Variants in ARIH1 observed in about 807,000 individuals in gnomAD.
ARIH1 encodes the protein ariadne RBR E3 ubiquitin protein ligase 1.
In ARIH1, 8 loss-of-function variants were observed where a neutral mutation model predicts 85.0. The ratio of observed to expected loss-of-function variants is 0.09; its 90% CI spans 0.06 to 0.17. The LOEUF (loss-of-function observed/expected upper bound fraction) is 0.17. Among genes scored for constraint, ARIH1 ranks in the 10% least tolerant of loss-of-function variants. ARIH1 has a pLI of 1.00. For synonymous variants in ARIH1, 238 were observed against 253.6 expected, an observed-to-expected ratio of 0.94 and a Z score of 0.59; for missense variants, 311 against 718.1, an observed-to-expected ratio of 0.43 and a Z score of 6.48.
chr15:72,486,868 A>AT (rs1268157744), intron 1 of ARIH1, among the ~76,000 whole-genome samples: 1 of 150,176 alleles, frequency 6.7e-6, no homozygotes, highest in East Asian at 2.0e-4. Flanking sequence ...TAATTTTTGT[A>AT]TTTTTTGGTA....
chr15:72,546,050 TG>T (rs1458343324), intron 3 of ARIH1, among the ~76,000 whole-genome samples: 1 of 152,164 alleles, frequency 6.6e-6, no homozygotes, highest in Non-Finnish European at 1.5e-5. Context: ...ATTTGGTTGA[TG>T]GGGGTCTCAC....
intron 1 of ARIH1, among the ~76,000 whole-genome samples, chr15:72,516,930 A>T (rs1378190842): frequency 6.6e-6 from 1 of 152,180 alleles, no homozygotes; most frequent in Non-Finnish European, 1.5e-5. Flanking sequence ...TTTGAGTTCC[A>T]CTTCTGCTAT....
At chr15:72,570,467 T>C (rs2064238517) in intron 10 of ARIH1, among the ~76,000 whole-genome samples, 160 bp downstream of exon 10, 1 of 152,206 alleles carries the variant, frequency 6.6e-6, no homozygotes, top group Admixed American at 6.5e-5. Context: ...ATAGAGGGAT[T>C]AGTTAGATAT....
rs945507417 is a variant in ARIH1, at chr15:72,531,299, A to T, written c.443+13165A>T. 3.9e-5 allele frequency among the ~76,000 whole-genome samples: 6 copies of T among 152,046 alleles called. 1 individual carries two copies. The highest frequency in any genetic ancestry group is 3.9e-4 in the Admixed American group (6 of 15,248). On this transcript the variant is annotated intron_variant, in intron 2 of 13. Coordinates refer to ENST00000379887, the MANE Select transcript of ARIH1 (RefSeq NM_005744.5). ...TATTTATTTATTGAAACACAGTTTC[A>T]TTCTGTTGTCCAGGCTGGAGTGCAG...
intron 1 of ARIH1, among the ~76,000 whole-genome samples, chr15:72,504,467 T>G (rs1461308096): frequency 6.6e-6 from 1 of 152,018 alleles, no homozygotes; most frequent in African/African-American, 2.4e-5. Flanking sequence ...ATAATTTTCT[T>G]TAGTGATGAA....
chr15:72,528,958 T>C (rs2064042759), intron 2 of ARIH1, among the ~76,000 whole-genome samples: 1 of 152,148 alleles, frequency 6.6e-6, no homozygotes, highest in Admixed American at 6.5e-5. Flanking sequence ...CCCAGCACTT[T>C]GGGAGGCCAA....
chr15:72,569,035 GCAGTGGCTCACACCT>G (rs1156873570), intron 9 of ARIH1, among the ~76,000 whole-genome samples: 6 of 152,176 alleles, frequency 3.9e-5, no homozygotes, highest in Non-Finnish European at 5.9e-5. Context: ...GAGGCCAGGT[GCAGTGGCTCACACCT>G]GTAATCCTAA....
Position 72,570,169 on chromosome 15 carries a change from C to G in ARIH1, c.1027-8C>G. On this transcript the variant is annotated splice_polypyrimidine_tract_variant and splice_region_variant and intron_variant, in intron 9 of 13. Coordinates refer to ENST00000379887, the MANE Select transcript of ARIH1 (RefSeq NM_005744.5). ...CATTGACACCAACTTTATAGTTTCT[C>G]TTCATAGGAATGTCCCAAATGCCAT... The G allele has an allele frequency of 1.2e-6, 2 of 1,613,658 alleles. No individual in the cohort carries two copies. The highest frequency in any genetic ancestry group is 1.7e-6 in the Non-Finnish European group (2 of 1,179,734).
chr15:72,521,447 A>G (rs1038708413), intron 2 of ARIH1, among the ~76,000 whole-genome samples: 4 of 152,150 alleles, frequency 2.6e-5, no homozygotes, highest in South Asian at 4.2e-4. Flanking sequence ...GGAAATTCTC[A>G]GCTGTTATTT....
Position 72,594,359 on chromosome 15 carries a change from G to A in ARIH1, c.*11067G>A, listed in dbSNP as rs1567365809. On this transcript the variant is annotated 3_prime_UTR_variant, in exon 14 of 14. Transcript: ENST00000379887. ...TAATTTTTGTATTTTTAGTACAGAC[G>A]GGGTTTCACCATGTTGGTCAGCCTG... The A allele has an allele frequency of 6.6e-6, 1 of 151,788 alleles. No homozygotes were observed. Among genetic ancestry groups the A allele is most frequent in the Admixed American group, 6.6e-5 (1 of 15,232 alleles). The allele number at this position is 151,788 out of a possible 1,614,324, so 9.4% of individuals were successfully genotyped here. A position where few individuals can be genotyped will look rare whatever the true frequency, so the allele number is the denominator to read the frequency against.
At chr15:72,524,388 A>AT (rs1272323438) in intron 2 of ARIH1, among the ~76,000 whole-genome samples, 1 of 148,936 alleles carries the variant, frequency 6.7e-6, no homozygotes, top group Admixed American at 6.7e-5. Flanking sequence ...TAATGTTTGT[A>AT]TTTTTTGGTA....
chr15:72,474,610 A>C lies in ARIH1; in HGVS notation c.-30A>C. ...TCCCCGCCCTCTCCCCGCCTCGGCC[A>C]GCGTCCGCCGGGCCCCCGCGCGTCG... On this transcript the variant is annotated 5_prime_UTR_variant, in exon 1 of 14. Transcript: ENST00000379887. 1.3e-6 allele frequency: 2 copies of C among 1,493,434 alleles called. No homozygotes were observed. The highest frequency in any genetic ancestry group is 1.8e-4 in the Middle Eastern group (1 of 5,416). 92.5% of individuals were successfully genotyped at this position (1,493,434 alleles called of 1,614,324 possible).
chr15:72,478,804 C>T (rs1002293666), intron 1 of ARIH1, among the ~76,000 whole-genome samples: 6 of 152,172 alleles, frequency 3.9e-5, no homozygotes, highest in African/African-American at 1.4e-4. Flanking sequence ...AGAAGAGCAG[C>T]AGCTCTTAGG....
rs1395781391 is a variant in ARIH1, at chr15:72,599,880, T to C, written c.*16588T>C. ...ATTCACCATTGATTGCTATTGAGTATATCTGTAGCATCAAGAATAGGCATA... is the reference window on the plus strand; with the variant it reads ...ATTCACCATTGATTGCTATTGAGTACATCTGTAGCATCAAGAATAGGCATA... On this transcript the variant is annotated 3_prime_UTR_variant, in exon 14 of 14. Transcript: ENST00000379887. 1 of 152,224 alleles carries C rather than the reference T, an allele frequency of 6.6e-6. No individual in the cohort carries two copies. The highest frequency in any genetic ancestry group is 1.5e-5 in the Non-Finnish European group (1 of 68,040). The allele number at this position is 152,224 out of a possible 1,614,324, so 9.4% of individuals were successfully genotyped here.
At chr15:72,520,692 G>T (rs1427968242) in intron 2 of ARIH1, among the ~76,000 whole-genome samples, 1 of 151,878 alleles carries the variant, frequency 6.6e-6, no homozygotes, top group Non-Finnish European at 1.5e-5. Flanking sequence ...TTTACAATTT[G>T]TACATGCCTA....
intron 3 of ARIH1, among the ~76,000 whole-genome samples, chr15:72,552,146 A>G (rs2064155371): frequency 1.3e-5 from 2 of 152,208 alleles, no homozygotes; most frequent in African/African-American, 4.8e-5. Flanking sequence ...ACAAAGATGT[A>G]TATATAGTCA....
At chr15:72,515,521 ATATTG>A (rs879487115) in intron 1 of ARIH1, among the ~76,000 whole-genome samples, 2 of 152,094 alleles carry the variant, frequency 1.3e-5, no homozygotes, top group African/African-American at 2.4e-5. Flanking sequence ...GACATTTTGA[ATATTG>A]TATTGTGAGA....
At chr15:72,507,039 T>C (rs1043367792) in intron 1 of ARIH1, among the ~76,000 whole-genome samples, 23 of 151,958 alleles carry the variant, frequency 1.5e-4, no homozygotes, top group African/African-American at 5.3e-4. Flanking sequence ...TATTTATTTT[T>C]TGAAACGCAG....
intron 1 of ARIH1, among the ~76,000 whole-genome samples, chr15:72,497,175 GC>G (rs1242699792): frequency 6.6e-6 from 1 of 152,206 alleles, no homozygotes; most frequent in Non-Finnish European, 1.5e-5. Context: ...GATTCATGGA[GC>G]TGGCTGATTT....
Sources: gnomAD v4.1 joint callset for allele counts (sites outside exome capture counted in the v4.1 genomes callset) on GRCh38, gnomAD v4.1.1 for gene constraint, MANE v1.5 for transcripts, NCBI Gene and HGNC (gene_info 2026-07-23, HGNC 2026-07-21) for gene names.